Variants in COX7B2 observed in about 807,000 individuals in gnomAD.
COX7B2 encodes cytochrome c oxidase subunit 7B2, mitochondrial.
For synonymous variants in COX7B2, 37 were observed against 32.1 expected, an observed-to-expected ratio of 1.15 and a Z score of -0.51; for missense variants, 109 against 95.9, an observed-to-expected ratio of 1.14 and a Z score of -0.57.
rs1276281100 is a variant in COX7B2, at chr4:46,803,729, TTTC to T, written c.-50+41228_-50+41230del. Reference sequence around the variant, plus strand: ...TTGGCTTAAATTAAGCCTGGTTTACTTTCTTTTTTTTTTTTTTTTTTTTAACAT... The same window carrying T: ...TTGGCTTAAATTAAGCCTGGTTTACTTTTTTTTTTTTTTTTTTTTTAACAT... On this transcript the variant is annotated intron_variant, in intron 2 of 2. Coordinates refer to ENST00000355591, the MANE Select transcript of COX7B2 (RefSeq NM_130902.3). Among the ~76,000 whole-genome samples the T allele has an allele frequency of 4.5e-3, 578 of 127,840 alleles. 2 individuals are homozygous for T. The highest frequency in any genetic ancestry group is 0.015 in the African/African-American group (522 of 35,148). The allele number at this position is 127,840 out of a possible 152,430, so 83.9% of individuals were successfully genotyped here.
chr4:46,868,194 A>G (rs1231720030), intron 1 of COX7B2, among the ~76,000 whole-genome samples: 1 of 151,992 alleles, frequency 6.6e-6, no homozygotes, highest in Non-Finnish European at 1.5e-5. Flanking sequence ...TCTGATGGCT[A>G]ATTTTATTTC....
chr4:46,833,256 T>C (rs528550456), intron 2 of COX7B2, among the ~76,000 whole-genome samples: 3 of 152,152 alleles, frequency 2.0e-5, no homozygotes, highest in South Asian at 4.1e-4. Flanking sequence ...AGATATTTAT[T>C]TGTAGCAATG....
chr4:46,881,291 C>G (rs1718725019), intron 1 of COX7B2, among the ~76,000 whole-genome samples: 1 of 152,150 alleles, frequency 6.6e-6, no homozygotes, highest in Non-Finnish European at 1.5e-5. Context: ...CTGGTTCAGT[C>G]TGGAAAGGCA....
chr4:46,783,087 A>G (rs1192481806), intron 2 of COX7B2, among the ~76,000 whole-genome samples: 7 of 152,242 alleles, frequency 4.6e-5, no homozygotes, highest in African/African-American at 1.7e-4. Flanking sequence ...ACTCCACTAA[A>G]AATGGGGTAC....
At chr4:46,885,918 T>C (rs1719056706) in intron 1 of COX7B2, among the ~76,000 whole-genome samples, 1 of 152,130 alleles carries the variant, frequency 6.6e-6, no homozygotes, top group Admixed American at 6.5e-5. Context: ...AGTTTCCAGG[T>C]CAAGAGTTTA....
chr4:46,856,073 G>C (rs147291073), intron 1 of COX7B2, among the ~76,000 whole-genome samples: 1 of 151,848 alleles, frequency 6.6e-6, no homozygotes, highest in Admixed American at 6.6e-5. Context: ...AAGAAACCCC[G>C]TCTCTACTAG....
At chr4:46,853,712 C>A (rs938755092) in intron 1 of COX7B2, among the ~76,000 whole-genome samples, 8 of 151,768 alleles carry the variant, frequency 5.3e-5, no homozygotes, top group Admixed American at 2.6e-4. Context: ...TTTGTTTTAA[C>A]TGTTTGTTTA....
At chr4:46,783,421 T>G (rs970139965) in intron 2 of COX7B2, among the ~76,000 whole-genome samples, 2 of 152,216 alleles carry the variant, frequency 1.3e-5, no homozygotes, top group Admixed American at 1.3e-4. Context: ...TTCAGAAAAC[T>G]AGACAGTCAC....
intron 2 of COX7B2, among the ~76,000 whole-genome samples, chr4:46,770,043 A>T (rs950477350): frequency 2.6e-5 from 4 of 152,164 alleles, no homozygotes; most frequent in Non-Finnish European, 5.9e-5. Flanking sequence ...TCCAAATCAG[A>T]AGGAAAAAAT....
intron 2 of COX7B2, among the ~76,000 whole-genome samples, chr4:46,822,317 G>T (rs1306257255): frequency 6.6e-6 from 1 of 152,004 alleles, no homozygotes; most frequent in African/African-American, 2.4e-5. Flanking sequence ...AGCCTCAAAA[G>T]TGAGAGATTA....
intron 1 of COX7B2, among the ~76,000 whole-genome samples, chr4:46,845,324 C>T (rs1480519180): frequency 1.3e-5 from 2 of 151,824 alleles, no homozygotes; most frequent in Admixed American, 1.3e-4. Context: ...TCATGAGTCA[C>T]CACTCACCTG....
At chr4:46,907,847 A>AATTTTT (rs1308450950) in intron 1 of COX7B2, among the ~76,000 whole-genome samples, 1 of 67,238 alleles carries the variant, frequency 1.5e-5, no homozygotes, top group African/African-American at 5.1e-5. Context: ...ATTTGAGCAG[A>AATTTTT]CTTTTTTTTT....
intron 2 of COX7B2, among the ~76,000 whole-genome samples, chr4:46,780,153 A>C (rs1717367212): frequency 1.3e-5 from 2 of 152,318 alleles, no homozygotes; most frequent in South Asian, 4.1e-4. Context: ...CCAGGGTTAC[A>C]TGGTTGGAAT....
At chr4:46,782,392 T>C (rs571070275) in intron 2 of COX7B2, among the ~76,000 whole-genome samples, 2 of 64,408 alleles carry the variant, frequency 3.1e-5, no homozygotes, top group South Asian at 1.3e-3. Flanking sequence ...TAGTGGGGAC[T>C]TGGAGAACTT....
intron 2 of COX7B2, among the ~76,000 whole-genome samples, chr4:46,801,835 C>T (rs754971012): frequency 2.0e-5 from 3 of 152,142 alleles, no homozygotes; most frequent in Non-Finnish European, 2.9e-5. Flanking sequence ...TACATTATTA[C>T]ATTTCTTTGA....
intron 2 of COX7B2, 111 bp from the exon 3 acceptor site, chr4:46,735,352 G>T: frequency 2.7e-6 from 2 of 748,884 alleles, no homozygotes; most frequent in South Asian, 3.8e-5. Flanking sequence ...TGTGAGTTTT[G>T]ATATAACAAT....
intron 2 of COX7B2, among the ~76,000 whole-genome samples, chr4:46,750,736 T>C (rs1161917850): frequency 6.6e-6 from 1 of 152,160 alleles, no homozygotes; most frequent in Non-Finnish European, 1.5e-5. Flanking sequence ...AATTCCAATA[T>C]CAAGGTCCAG....
At chr4:46,838,981 T>G (rs981137418) in intron 2 of COX7B2, among the ~76,000 whole-genome samples, 3 of 152,038 alleles carry the variant, frequency 2.0e-5, no homozygotes, top group African/African-American at 7.2e-5. Context: ...AGGTTCTTCA[T>G]GCATTTAGCG....
Position 46,835,190 on chromosome 4 carries a change from G to T in COX7B2, c.-50+9770C>A, listed in dbSNP as rs1015816265. Among the ~76,000 whole-genome samples the T allele has an allele frequency of 1.1e-4, 16 of 152,080 alleles. No individual in the cohort carries two copies. In the East Asian group the frequency reaches 3.1e-3, roughly 29 times the overall value. ...GAGAATGTAATGTGTATGACAGCAT[G>T]ACATAAAGGACAATTTGAAAGCATC... On this transcript the variant is annotated intron_variant, in intron 2 of 2. Transcript: ENST00000355591.
Sources: allele counts gnomAD v4.1 joint callset (sites outside exome capture counted in the v4.1 genomes callset), GRCh38; gene constraint gnomAD v4.1.1; transcripts MANE v1.5; gene names NCBI Gene and HGNC (gene_info 2026-07-23, HGNC 2026-07-21).